Variants in AKAP13 observed in about 807,000 individuals in gnomAD.
AKAP13 encodes A-kinase anchor protein 13.
In AKAP13, 80 loss-of-function variants were observed where a neutral mutation model predicts 264.5. The observed-to-expected ratio is 0.30, with a 90% CI of 0.25 to 0.36. The LOEUF (loss-of-function observed/expected upper bound fraction) is 0.36. AKAP13 is among the 10% of genes least tolerant of loss of function. The pLI, the probability that AKAP13 is intolerant of heterozygous loss-of-function variation, is 1.00. For synonymous variants in AKAP13, 1,380 were observed against 1,250.2 expected (o/e 1.10, Z -2.19); for missense variants, 3,712 against 3,435.2 (o/e 1.08, Z -2.01).
chr15:85,615,787 C>G (rs2080908387), intron 8 of AKAP13, among the ~76,000 whole-genome samples: 1 of 152,162 alleles, frequency 6.6e-6, no homozygotes, highest in East Asian at 1.9e-4. Flanking sequence ...ATCCCATGAA[C>G]TATATGGCAT....
At chr15:85,490,706 C>G (rs1393815855) in intron 2 of AKAP13, among the ~76,000 whole-genome samples, 2 of 152,152 alleles carry the variant, frequency 1.3e-5, no homozygotes, top group Non-Finnish European at 2.9e-5. Flanking sequence ...GCAATTTATT[C>G]TTTTATTCAG....
intron 14 of AKAP13, among the ~76,000 whole-genome samples, chr15:85,670,077 T>G (rs2083833134): frequency 6.6e-6 from 1 of 152,194 alleles, no homozygotes; most frequent in Non-Finnish European, 1.5e-5. Context: ...CTGACACACT[T>G]TTTAAAATTT....
At position 85,595,928 on chromosome 15, in the gene AKAP13, A is replaced by G. The variant is rs1303638755; in HGVS notation, c.4161+10105A>G. On this transcript the variant is annotated intron_variant, in intron 8 of 36. Transcript: ENST00000394518. ...GAACCATGTGGAAATTGAAACAAGT[A>G]GTATTTCTGTTTAAATATTTCCATT... 2.6e-5 allele frequency among the ~76,000 whole-genome samples: 4 copies of G among 152,230 alleles called. No individual in the cohort carries two copies. In the East Asian group the frequency reaches 5.8e-4, roughly 22 times the overall value.
At chr15:85,428,236 G>C (rs1016084753) in intron 1 of AKAP13, among the ~76,000 whole-genome samples, 9 of 152,190 alleles carry the variant, frequency 5.9e-5, no homozygotes. Flanking sequence ...TTTTGCTCTT[G>C]TTGCCCAGGC....
intron 6 of AKAP13, chr15:85,577,895 A>G (rs1401529423): frequency 1.3e-5 from 11 of 869,012 alleles, no homozygotes; most frequent in Admixed American, 6.2e-5. Context: ...GCACAGGCAC[A>G]TTGGCTGCAC....
intron 8 of AKAP13, among the ~76,000 whole-genome samples, chr15:85,622,802 C>A (rs150561713): frequency 6.6e-6 from 1 of 152,240 alleles, no homozygotes; most frequent in Non-Finnish European, 1.5e-5. Context: ...TTTCAAAGTC[C>A]ATGTTTTTCC....
intron 10 of AKAP13, among the ~76,000 whole-genome samples, chr15:85,647,918 A>G (rs1037439650): frequency 1.3e-5 from 2 of 151,964 alleles, no homozygotes; most frequent in Non-Finnish European, 2.9e-5. Context: ...ACAGAGCGAG[A>G]CTCCATCTCA....
intron 30 of AKAP13, among the ~76,000 whole-genome samples, chr15:85,731,146 C>T (rs941301091): frequency 1.3e-5 from 2 of 151,874 alleles, no homozygotes; most frequent in Admixed American, 6.6e-5. Context: ...CTTGGGACTA[C>T]AGATGTGCAC....
intron 1 of AKAP13, among the ~76,000 whole-genome samples, chr15:85,425,285 CTTTT>C (rs998753818): frequency 6.6e-6 from 1 of 151,988 alleles, no homozygotes; most frequent in Non-Finnish European, 1.5e-5. Flanking sequence ...TTGAGATTAC[CTTTT>C]TGTTATGTAT....
At chr15:85,612,396 A>AT (rs1041588008) in intron 8 of AKAP13, among the ~76,000 whole-genome samples, 13 of 152,034 alleles carry the variant, frequency 8.6e-5, no homozygotes, top group African/African-American at 1.9e-4. Context: ...TCTGAAATAG[A>AT]TTTTTTTTAC....
chr15:85,442,470 A>ATATATTATATAATATATATAATATATAT (rs2073710259), intron 1 of AKAP13, among the ~76,000 whole-genome samples: 23 of 125,958 alleles, frequency 1.8e-4, no homozygotes, highest in Non-Finnish European at 3.1e-4. Context: ...TATACATAAT[A>ATATATTATATAATATATATAATATATAT]TATATTATAT....
Position 85,580,797 on chromosome 15 carries a change from A to C in AKAP13, c.2729A>C (p.Glu910Ala). The C allele has an allele frequency of 6.2e-7, 1 of 1,614,104 alleles. No homozygotes were observed. The highest frequency in any genetic ancestry group is 1.1e-5 in the South Asian group (1 of 91,082). The change falls in exon 7 of 37, where the codon GAA becomes GCA. Residue 910 changes from glutamate to alanine, a missense_variant. By Grantham distance (107) the Glu-to-Ala change is moderately radical. Transcript: ENST00000394518. ...TTGGCTTTAGATTCAGTTTTGACTG[A>C]AGAAGGAAAACTTCTGGTGGTTTCA... ...ATLALDSVLTEEGKLLVVSES... is the reference protein window; with the variant it reads ...ATLALDSVLTAEGKLLVVSES...
intron 14 of AKAP13, among the ~76,000 whole-genome samples, chr15:85,672,375 A>G (rs1024838827): frequency 2.0e-5 from 3 of 152,370 alleles, no homozygotes; most frequent in Admixed American, 2.0e-4. Context: ...ATTCTACACT[A>G]GAAACATAAT....
chr15:85,671,793 G>T (rs1212938635), intron 14 of AKAP13, among the ~76,000 whole-genome samples: 5 of 152,154 alleles, frequency 3.3e-5, no homozygotes, highest in Non-Finnish European at 7.3e-5. Flanking sequence ...AGACATTTCA[G>T]CTCAGCGTCC....
In AKAP13 at chr15:85,664,543, C is replaced by T; in HGVS notation, c.4800-20C>T. 1 of 1,580,288 alleles carries T rather than the reference C, an allele frequency of 6.3e-7. No homozygotes were observed. The highest frequency in any genetic ancestry group is 1.4e-5 in the African/African-American group (1 of 73,852). ...GAGACCCAGAAATAGAATGAATTAA[C>T]TTTTGTGCCCTATGTTCAGTTTCAG... On this transcript the variant is annotated intron_variant, in intron 12 of 36. Coordinates refer to ENST00000394518, the MANE Select transcript of AKAP13 (RefSeq NM_007200.5).
chr15:85,730,854 G>C (rs2087949443), intron 30 of AKAP13, 147 bp downstream of exon 30: 1 of 746,772 alleles, frequency 1.3e-6, no homozygotes, highest in Non-Finnish European at 2.1e-6. Flanking sequence ...TAAATTATCA[G>C]GTGAATATCC....
chr15:85,451,691 C>T (rs772900126), intron 1 of AKAP13, among the ~76,000 whole-genome samples: 8 of 152,182 alleles, frequency 5.3e-5, no homozygotes, highest in Non-Finnish European at 1.0e-4. Flanking sequence ...TGAATATAGG[C>T]CCCCAGTCTC....
At chr15:85,644,874 A>G (rs571049258) in intron 9 of AKAP13, among the ~76,000 whole-genome samples, 2 of 152,206 alleles carry the variant, frequency 1.3e-5, no homozygotes, top group African/African-American at 4.8e-5. Flanking sequence ...CACCATCCAC[A>G]AATCTCTTTA....
chr15:85,634,407 C>G (rs1027146029), intron 8 of AKAP13, among the ~76,000 whole-genome samples: 11 of 152,082 alleles, frequency 7.2e-5, no homozygotes, highest in African/African-American at 2.7e-4. Context: ...TTCACAACTA[C>G]TTAGTAGTTT....
Sources: gnomAD v4.1 joint callset for allele counts (sites outside exome capture counted in the v4.1 genomes callset) on GRCh38, gnomAD v4.1.1 for gene constraint, MANE v1.5 for transcripts, NCBI Gene and HGNC (gene_info 2026-07-23, HGNC 2026-07-21) for gene names.